The following SAMD3 variants were observed in gnomAD, a reference collection of about 807,000 sequenced individuals.
SAMD3 encodes sterile alpha motif domain containing 3.
Under a neutral mutation model 58.5 loss-of-function variants are expected in SAMD3, and 63 were observed. That is an observed-to-expected ratio of 1.08 (90% CI 0.88 to 1.33). The LOEUF (loss-of-function observed/expected upper bound fraction) is 1.33. Among genes scored for constraint, SAMD3 ranks in the 40% most tolerant of loss-of-function variants. The pLI is 0.00. For synonymous variants in SAMD3, 220 were observed against 210.3 expected, an observed-to-expected ratio of 1.05 and a Z score of -0.40; for missense variants, 604 against 608.4, an observed-to-expected ratio of 0.99 and a Z score of 0.08.
At chr6:130,163,927 T>A (rs1790490548) in intron 8 of SAMD3, among the ~76,000 whole-genome samples, 1 of 152,168 alleles carries the variant, frequency 6.6e-6, no homozygotes, top group Non-Finnish European at 1.5e-5. Flanking sequence ...ATGTACCCAA[T>A]AAGTAGGAAA....
intron 2 of SAMD3, among the ~76,000 whole-genome samples, chr6:130,252,393 T>G (rs1490134958): frequency 6.6e-6 from 1 of 152,164 alleles, no homozygotes; most frequent in Non-Finnish European, 1.5e-5. Flanking sequence ...TTTTTCTTCC[T>G]GAAATAGATA....
chr6:130,356,894 CTGAG>C (rs1777847073), intron 1 of SAMD3, among the ~76,000 whole-genome samples: 1 of 152,132 alleles, frequency 6.6e-6, no homozygotes, highest in African/African-American at 2.4e-5. Context: ...GCTTTCAAAT[CTGAG>C]TGACTCAATG....
intron 2 of SAMD3, among the ~76,000 whole-genome samples, chr6:130,253,778 T>C (rs887490387): frequency 3.4e-4 from 51 of 152,194 alleles, no homozygotes; most frequent in African/African-American, 7.5e-4. Context: ...GGTATATCTT[T>C]GTACTAATAA....
At chr6:130,277,504 C>T (rs746178470) in intron 2 of SAMD3, among the ~76,000 whole-genome samples, 2 of 152,178 alleles carry the variant, frequency 1.3e-5, no homozygotes, top group Non-Finnish European at 2.9e-5. Context: ...TCAAACATAC[C>T]ATCTTGTTCT....
chr6:130,336,184 A>G (rs183332805), intron 1 of SAMD3, among the ~76,000 whole-genome samples: 1 of 152,342 alleles, frequency 6.6e-6, no homozygotes, highest in Admixed American at 6.5e-5. Flanking sequence ...ATAAAATTTA[A>G]AAATTTAGTA....
intron 9 of SAMD3, among the ~76,000 whole-genome samples, chr6:130,153,859 T>G (rs1362229657): frequency 1.3e-5 from 2 of 151,326 alleles, no homozygotes; most frequent in African/African-American, 4.9e-5. Context: ...GTACTTTTAG[T>G]AGAGATGGGG....
At chr6:130,248,513 C>T (rs1773632418) in intron 2 of SAMD3, among the ~76,000 whole-genome samples, 1 of 152,084 alleles carries the variant, frequency 6.6e-6, no homozygotes, top group African/African-American at 2.4e-5. Flanking sequence ...GTATTTGATG[C>T]CTGAGAAACA....
In SAMD3 at chr6:130,195,974, G is replaced by A. The variant is rs528651054; in HGVS notation, c.384-11351C>T. On this transcript the variant is annotated intron_variant, in intron 5 of 11. Coordinates refer to ENST00000439090, the MANE Select transcript of SAMD3 (RefSeq NM_001017373.4). ...TAGATCCTAAATCCTTTCCCCACTC[G>A]TTTTTCTGTTCCTTGAAGACAGCTT... Among the ~76,000 whole-genome samples, 25 of 152,192 alleles carry A rather than the reference G, an allele frequency of 1.6e-4. 1 individual carries two copies. In the South Asian group the frequency reaches 3.3e-3, roughly 20 times the overall value.
At position 130,220,998 on chromosome 6, in the gene SAMD3, T is replaced by C. The variant is rs549361809; in HGVS notation, c.-68+1696A>G. 1.5e-4 allele frequency among the ~76,000 whole-genome samples: 23 copies of C among 152,114 alleles called. No homozygotes were observed. The East Asian group carries it at 2.3e-3, about 15-fold the overall frequency. ...CCTCCCGAGTAGCTGGGACTACGGG[T>C]GCCCACCACCACGCCCAGCTAATTT... is the stretch of plus-strand genomic sequence containing the variant. On this transcript the variant is annotated intron_variant, in intron 1 of 11. Coordinates refer to ENST00000439090, the MANE Select transcript of SAMD3 (RefSeq NM_001017373.4).
At chr6:130,281,525 C>T (rs574535247) in intron 2 of SAMD3, among the ~76,000 whole-genome samples, 34 of 152,164 alleles carry the variant, frequency 2.2e-4, no homozygotes, top group African/African-American at 8.2e-4. Flanking sequence ...TTTCCACTCT[C>T]TCTATAGAGG....
intron 2 of SAMD3, among the ~76,000 whole-genome samples, chr6:130,243,059 T>G (rs921357618): frequency 1.3e-5 from 2 of 152,086 alleles, no homozygotes; most frequent in African/African-American, 4.8e-5. Context: ...AGCAACAGCC[T>G]CCTCCCAAAG....
chr6:130,286,559 T>A (rs1775161607), intron 2 of SAMD3, among the ~76,000 whole-genome samples: 1 of 152,222 alleles, frequency 6.6e-6, no homozygotes, highest in Non-Finnish European at 1.5e-5. Context: ...GTGGAAACTG[T>A]TCTCTAGGTA....
chr6:130,227,741 T>C (rs970388200), upstream of SAMD3, among the ~76,000 whole-genome samples: 2 of 151,420 alleles, frequency 1.3e-5, no homozygotes, highest in African/African-American at 2.4e-5. Flanking sequence ...TGAGCCAAGA[T>C]TGTGCCACCA....
At chr6:130,342,436 C>T (rs1448610370) in intron 1 of SAMD3, among the ~76,000 whole-genome samples, 1 of 151,996 alleles carries the variant, frequency 6.6e-6, no homozygotes, top group East Asian at 1.9e-4. Flanking sequence ...TTAATTTTAG[C>T]TAAGAATTGG....
intron 8 of SAMD3, among the ~76,000 whole-genome samples, chr6:130,169,211 G>T (rs184599931): frequency 6.8e-4 from 104 of 152,028 alleles, no homozygotes; most frequent in African/African-American, 2.4e-3. Context: ...AATTATATGA[G>T]ATAAATTCAA....
At chr6:130,277,313 A>C (rs1031636606) in intron 2 of SAMD3, among the ~76,000 whole-genome samples, 3 of 152,234 alleles carry the variant, frequency 2.0e-5, no homozygotes, top group African/African-American at 7.2e-5. Context: ...GTTAAACTAT[A>C]TACTACATTC....
intron 1 of SAMD3, among the ~76,000 whole-genome samples, chr6:130,361,566 T>C (rs986933967): frequency 2.6e-5 from 4 of 152,232 alleles, no homozygotes; most frequent in Non-Finnish European, 5.9e-5. Context: ...AGTAGTTTTG[T>C]TCTAATTTAA....
At chr6:130,300,361 T>C (rs1346828433) in intron 2 of SAMD3, among the ~76,000 whole-genome samples, 1 of 152,038 alleles carries the variant, frequency 6.6e-6, no homozygotes, top group Admixed American at 6.6e-5. Flanking sequence ...CAAAATTATA[T>C]GATCATCTCA....
At chr6:130,215,618 T>C (rs1037809575) in intron 2 of SAMD3, 37 of 1,388,512 alleles carry the variant, frequency 2.7e-5, no homozygotes, top group Admixed American at 1.2e-4. Flanking sequence ...TCCTGTACCA[T>C]TAACACCCAG....
Sources: allele counts gnomAD v4.1 joint callset (sites outside exome capture counted in the v4.1 genomes callset), GRCh38; gene constraint gnomAD v4.1.1; transcripts MANE v1.5; gene names NCBI Gene and HGNC (gene_info 2026-07-23, HGNC 2026-07-21).